KDM4C: variants seen among roughly 807,000 people sequenced by gnomAD.
KDM4C encodes lysine demethylase 4C, also known as lysine-specific demethylase 4C.
In KDM4C, 81 loss-of-function variants were observed where a neutral mutation model predicts 129.3. The ratio of observed to expected loss-of-function variants is 0.63; its 90% CI spans 0.52 to 0.75. The LOEUF (loss-of-function observed/expected upper bound fraction) is 0.75. Ranked by LOEUF, KDM4C falls within the 30% of genes least tolerant of loss-of-function variation. The pLI is 0.00. For missense variants in KDM4C, 1,457 were observed against 1,304.0 expected (o/e 1.12, Z -1.81); for synonymous variants, 573 against 456.1 (o/e 1.26, Z -3.26).
chr9:6,988,511 A>ATAAC (rs61034853), intron 11 of KDM4C, among the ~76,000 whole-genome samples: 124,713 of 151,610 alleles, frequency 0.82, 52,110 homozygotes, highest in Non-Finnish European at 0.89. Context: ...ATGGTGTTGG[A>ATAAC]TAACTCCTAG....
chr9:6,746,425 C>T (rs1384872877), intron 1 of KDM4C, among the ~76,000 whole-genome samples: 7 of 150,742 alleles, frequency 4.6e-5, no homozygotes, highest in African/African-American at 7.3e-5. Context: ...CTCGCCACAA[C>T]GCCCGGCTAA....
chr9:7,023,753 T>A (rs182497861), intron 15 of KDM4C, among the ~76,000 whole-genome samples: 3 of 152,278 alleles, frequency 2.0e-5, no homozygotes, highest in African/African-American at 7.2e-5. Flanking sequence ...CTTCTTTTTT[T>A]ATATAAGCAC....
At chr9:7,169,931 A>G (rs1282590574) in intron 21 of KDM4C, 41 bp downstream of exon 21, 5 of 1,612,424 alleles carry the variant, frequency 3.1e-6, no homozygotes, top group African/African-American at 2.7e-5. Context: ...TGCCAAGTGA[A>G]TTCCTTGTCC....
At chr9:6,918,412 A>C (rs1399994930) in intron 8 of KDM4C, among the ~76,000 whole-genome samples, 2 of 152,174 alleles carry the variant, frequency 1.3e-5, no homozygotes, top group African/African-American at 4.8e-5. Flanking sequence ...TTCTTCATCC[A>C]GTCTACTGTG....
chr9:6,778,064 G>A (rs1414868864), intron 1 of KDM4C, among the ~76,000 whole-genome samples: 1 of 150,244 alleles, frequency 6.7e-6, no homozygotes, highest in African/African-American at 2.5e-5. Context: ...GGGACTACAG[G>A]CATGCCACCA....
At chr9:6,728,761 G>A (rs1024274290) in intron 1 of KDM4C, among the ~76,000 whole-genome samples, 2 of 151,772 alleles carry the variant, frequency 1.3e-5, no homozygotes, top group Admixed American at 1.3e-4. Context: ...CAGGAGAATC[G>A]CCTGAACCCG....
intron 8 of KDM4C, among the ~76,000 whole-genome samples, chr9:6,967,608 T>C (rs1831223695): frequency 6.6e-6 from 1 of 152,106 alleles, no homozygotes; most frequent in Non-Finnish European, 1.5e-5. Flanking sequence ...GAAGATGCTG[T>C]TATCTGGAGA....
At chr9:6,735,577 C>T (rs1377228467) in intron 1 of KDM4C, among the ~76,000 whole-genome samples, 1 of 152,168 alleles carries the variant, frequency 6.6e-6, no homozygotes, top group African/African-American at 2.4e-5. Context: ...ACCAGAGTTT[C>T]CCTGCACAAG....
intron 4 of KDM4C, among the ~76,000 whole-genome samples, chr9:6,837,563 T>C (rs1349483138): frequency 1.3e-5 from 2 of 152,206 alleles, no homozygotes; most frequent in East Asian, 3.8e-4. Flanking sequence ...GCCTGTAAAA[T>C]ATGTTATGTG....
chr9:7,068,686 C>CTT (rs542039227), intron 17 of KDM4C, among the ~76,000 whole-genome samples: 1,356 of 101,732 alleles, frequency 0.013, 228 homozygotes, highest in Non-Finnish European at 0.019. Flanking sequence ...GATGCCCTTT[C>CTT]TTTTTTTTTT....
chr9:6,993,014 C>T (rs867378542), intron 12 of KDM4C, among the ~76,000 whole-genome samples: 2 of 152,126 alleles, frequency 1.3e-5, no homozygotes, highest in South Asian at 2.1e-4. Context: ...TAGGACAGTG[C>T]AGTGGCTCTT....
At chr9:6,997,554 G>T (rs1819992345) in intron 12 of KDM4C, among the ~76,000 whole-genome samples, 1 of 152,184 alleles carries the variant, frequency 6.6e-6, no homozygotes, top group South Asian at 2.1e-4. Context: ...TTAGGCTGGC[G>T]ATTCATGCCT....
rs895038771 is a variant in KDM4C, at chr9:6,977,268, A to G, written c.922-3657A>G. 4.6e-5 allele frequency among the ~76,000 whole-genome samples: 7 copies of G among 152,186 alleles called. No homozygotes were observed. In the South Asian group the frequency reaches 6.2e-4, roughly 13 times the overall value. On this transcript the variant is annotated intron_variant, in intron 8 of 21. Transcript: ENST00000381309. ...ATTGGGTTCTTTTCATAATTGTTGG[A>G]AAATTAGTAATTTTCTATGAAAGAC...
chr9:6,933,908 G>A (rs989555159), intron 8 of KDM4C, among the ~76,000 whole-genome samples: 4 of 151,564 alleles, frequency 2.6e-5, no homozygotes, highest in East Asian at 1.9e-4. Flanking sequence ...GAAGTGCAGC[G>A]GTGTGATCTT....
chr9:6,978,964 C>T (rs953867346), intron 8 of KDM4C: 1 of 152,006 alleles, frequency 6.6e-6, no homozygotes, highest in Admixed American at 6.6e-5. Context: ...TTCTGAGACA[C>T]TTTCCTCAGA....
chr9:6,824,217 G>A (rs986853009), intron 4 of KDM4C, among the ~76,000 whole-genome samples: 1 of 152,182 alleles, frequency 6.6e-6, no homozygotes, highest in Admixed American at 6.5e-5. Flanking sequence ...ATTTCTTTTC[G>A]TGGCTATTTC....
chr9:7,132,267 C>G (rs939212218), intron 19 of KDM4C, among the ~76,000 whole-genome samples: 1 of 152,172 alleles, frequency 6.6e-6, no homozygotes, highest in African/African-American at 2.4e-5. Context: ...GATTACAAAT[C>G]ATTTCATAAA....
intron 1 of KDM4C, among the ~76,000 whole-genome samples, chr9:6,762,329 T>C (rs924413076): frequency 9.2e-5 from 14 of 151,782 alleles, no homozygotes; most frequent in African/African-American, 2.2e-4. Context: ...TTCTTTTCTT[T>C]TTCAGTTAAA....
At chr9:7,151,569 G>A (rs190039119) in intron 19 of KDM4C, among the ~76,000 whole-genome samples, 1 of 152,136 alleles carries the variant, frequency 6.6e-6, no homozygotes, top group Non-Finnish European at 1.5e-5. Context: ...CAGCTATTTG[G>A]GAGGCTGAGG....
Sources: allele counts gnomAD v4.1 joint callset (sites outside exome capture counted in the v4.1 genomes callset), GRCh38; gene constraint gnomAD v4.1.1; transcripts MANE v1.5; gene names NCBI Gene and HGNC (gene_info 2026-07-23, HGNC 2026-07-21).